PTPA: variants seen among roughly 807,000 people sequenced by gnomAD.
PTPA encodes the protein protein phosphatase 2 phosphatase activator, also known as serine/threonine-protein phosphatase 2A activator.
PTPA carries 13 observed loss-of-function variants against 43.6 expected under a neutral mutation model. The observed-to-expected ratio is 0.30, with a 90% CI of 0.19 to 0.47. The LOEUF is 0.47. Ranked by LOEUF, PTPA falls within the 20% of genes least tolerant of loss-of-function variation. The pLI is 0.99. For missense variants in PTPA, 329 were observed against 411.9 expected (o/e 0.80, Z 1.74); for synonymous variants, 172 against 158.2 (o/e 1.09, Z -0.66).
At chr9:129,116,389 T>C (rs965431714) in intron 1 of PTPA, among the ~76,000 whole-genome samples, 12 of 140,318 alleles carry the variant, frequency 8.6e-5, no homozygotes, top group African/African-American at 3.0e-4. Flanking sequence ...GGTTTCTTTT[T>C]TTTTTTTTTT....
At chr9:129,144,215 G>T (rs967203759) in intron 9 of PTPA, among the ~76,000 whole-genome samples, 1 of 151,774 alleles carries the variant, frequency 6.6e-6, no homozygotes, top group African/African-American at 2.4e-5. Context: ...AATGGTGATG[G>T]TGTGGCAGGA....
At chr9:129,118,667 G>C (rs7861663) in intron 1 of PTPA, among the ~76,000 whole-genome samples, 3 of 151,692 alleles carry the variant, frequency 2.0e-5, no homozygotes, top group African/African-American at 2.4e-5. Flanking sequence ...GAGCCACCGC[G>C]CCCCGCCTAA....
chr9:129,115,642 ATT>A (rs10706402), intron 1 of PTPA, among the ~76,000 whole-genome samples: 254 of 143,710 alleles, frequency 1.8e-3, no homozygotes, highest in Non-Finnish European at 1.9e-3. Context: ...GAGAGTTTGC[ATT>A]TTTTTTTTTT....
In PTPA at chr9:129,131,582, G is replaced by C. The variant is rs766716541; in HGVS notation, c.403G>C (p.Val135Leu). Residue 135 changes from valine to leucine, a missense_variant, in exon 5 of 10, where the codon GTG (valine) becomes CTG (leucine). By Grantham distance (32) the Val-to-Leu change is conservative. Transcript: ENST00000393370. ...CCATCTGGCAGCTGCTGTGCCTGAG[G>C]TGGCTGTTTACCTAAAGGAGTCAGT... ...PTHLAAAVPE[V>L]AVYLKESVGN... is the part of the protein sequence containing the mutation. 91 of 1,614,048 alleles carry C rather than the reference G, an allele frequency of 5.6e-5. No individual in the cohort carries two copies. The highest frequency in any genetic ancestry group is 7.5e-5 in the Non-Finnish European group (88 of 1,180,040).
intron 1 of PTPA, chr9:129,112,016 C>T: frequency 4.5e-6 from 1 of 220,928 alleles, no homozygotes; most frequent in Non-Finnish European, 8.8e-6. Context: ...CCGGAGGCTG[C>T]CGTCTTTATT....
rs201500439 is a variant in PTPA, at chr9:129,123,005, G to C, written c.130-47G>C. On this transcript the variant is annotated intron_variant, in intron 2 of 9. Coordinates refer to ENST00000393370, the MANE Select transcript of PTPA (RefSeq NM_178000.3). ...GAGCTCGGGGCAGGTGGGGCGGGGG[G>C]GTCTGCCACCCCTCTCCCCATCCCC... 22 of 1,457,514 alleles carry C rather than the reference G, an allele frequency of 1.5e-5. No homozygotes were observed. In the East Asian group the frequency reaches 4.6e-4, roughly 30 times the overall value. 90.3% of individuals were successfully genotyped at this position (1,457,514 alleles called of 1,614,324 possible).
intron 6 of PTPA, among the ~76,000 whole-genome samples, chr9:129,136,037 G>A (rs1850344385): frequency 6.6e-6 from 1 of 151,552 alleles, no homozygotes; most frequent in Non-Finnish European, 1.5e-5. Context: ...GAGAGATCTC[G>A]GCTCACTGCA....
intron 9 of PTPA, chr9:129,143,674 C>T (rs933599663): frequency 8.2e-5 from 41 of 497,530 alleles, no homozygotes; most frequent in Non-Finnish European, 1.3e-4. Context: ...CCTTTGGTCC[C>T]CTTCCTCTGG....
At chr9:129,140,606 C>T (rs1383294601) in intron 8 of PTPA, among the ~76,000 whole-genome samples, 2 of 152,226 alleles carry the variant, frequency 1.3e-5, no homozygotes, top group Admixed American at 6.5e-5. Context: ...CCTGCCTTTG[C>T]CTCGGAGCCC....
chr9:129,114,303 G>C (rs1354938492), intron 1 of PTPA, among the ~76,000 whole-genome samples: 3 of 152,202 alleles, frequency 2.0e-5, no homozygotes, highest in Non-Finnish European at 4.4e-5. Flanking sequence ...GATTACAGGC[G>C]TGAGCCACCG....
chr9:129,140,462 G>A lies in PTPA; in HGVS notation c.787-1983G>A, dbSNP rs537379117. Reference sequence around the variant, plus strand: ...CTCTCTGGCCTTTCTGTGTGTAGGGGCCCAGGGCCACTGGAGCTCCAGGAC... The same window carrying A: ...CTCTCTGGCCTTTCTGTGTGTAGGGACCCAGGGCCACTGGAGCTCCAGGAC... On this transcript the variant is annotated intron_variant, in intron 8 of 9. Coordinates refer to ENST00000393370, the MANE Select transcript of PTPA (RefSeq NM_178000.3). 1.8e-4 allele frequency among the ~76,000 whole-genome samples: 28 copies of A among 152,286 alleles called. 1 individual carries two copies. The South Asian group carries it at 5.8e-3, about 32-fold the overall frequency.
chr9:129,139,260 A>G (rs1850594524), intron 8 of PTPA: 1 of 152,246 alleles, frequency 6.6e-6, no homozygotes, highest in Non-Finnish European at 1.5e-5. Flanking sequence ...AAACACCCCA[A>G]AAGCTTTTCC....
intron 1 of PTPA, among the ~76,000 whole-genome samples, chr9:129,115,796 C>A (rs966318224): frequency 3.3e-5 from 5 of 151,038 alleles, no homozygotes; most frequent in South Asian, 2.1e-4. Flanking sequence ...CCCACCACCA[C>A]GCCTGGCTAA....
intron 9 of PTPA, among the ~76,000 whole-genome samples, chr9:129,147,181 CTT>C (rs17509043): frequency 4.0e-5 from 6 of 151,508 alleles, no homozygotes; most frequent in African/African-American, 1.5e-4. Flanking sequence ...TGCCTTTTCT[CTT>C]TCTCTCTCTC....
intron 3 of PTPA, among the ~76,000 whole-genome samples, chr9:129,127,003 A>G (rs1849622401): frequency 6.6e-6 from 1 of 152,080 alleles, no homozygotes; most frequent in Admixed American, 6.6e-5. Context: ...TGTGCCATCC[A>G]TTGTAAGCCC....
At position 129,147,832 on chromosome 9, in the gene PTPA, A is replaced by C; in HGVS notation, c.*368A>C. Reference sequence around the variant, plus strand: ...CAGCACCGCAGGGAAGGGAGGAGAGATACCTGCTGCTTCCATTGCTTTTCC... The same window carrying C: ...CAGCACCGCAGGGAAGGGAGGAGAGCTACCTGCTGCTTCCATTGCTTTTCC... On this transcript the variant is annotated 3_prime_UTR_variant, in exon 10 of 10. Coordinates refer to ENST00000393370, the MANE Select transcript of PTPA (RefSeq NM_178000.3). 1 of 238,080 alleles carries C rather than the reference A, an allele frequency of 4.2e-6. No individual in the cohort carries two copies. The highest frequency in any genetic ancestry group is 8.4e-6 in the Non-Finnish European group (1 of 119,084). 14.7% of individuals were successfully genotyped at this position (238,080 alleles called of 1,614,324 possible).
chr9:129,126,018 G>A (rs1364430466), intron 3 of PTPA, among the ~76,000 whole-genome samples: 3 of 151,758 alleles, frequency 2.0e-5, no homozygotes, highest in Non-Finnish European at 4.4e-5. Flanking sequence ...CGTGGCGGCA[G>A]GCACCTGTAG....
Position 129,111,509 on chromosome 9 carries a change from C to G in PTPA, c.-92C>G. ...CACTTGTCTTCAGGAAGCTCGGAGC[C>G]TTTGGTGGAGCCGGGGAGAGGAAGG... is the stretch of plus-strand genomic sequence containing the variant. On this transcript the variant is annotated 5_prime_UTR_variant, in exon 1 of 10. Transcript: ENST00000393370. 1 of 1,271,744 alleles carries G rather than the reference C, an allele frequency of 7.9e-7. No individual in the cohort carries two copies. The highest frequency in any genetic ancestry group is 1.0e-6 in the Non-Finnish European group (1 of 1,000,612). 78.8% of individuals were successfully genotyped at this position (1,271,744 alleles called of 1,614,324 possible). A position where few individuals can be genotyped will look rare whatever the true frequency, so the allele number is the denominator to read the frequency against.
At chr9:129,142,989 C>A in intron 9 of PTPA, 1 of 1,292,930 alleles carries the variant, frequency 7.7e-7, no homozygotes, top group Non-Finnish European at 1.0e-6. Context: ...TGTGTATGAT[C>A]ACTGAGTGGT....
Sources: allele counts gnomAD v4.1 joint callset (sites outside exome capture counted in the v4.1 genomes callset), GRCh38; gene constraint gnomAD v4.1.1; transcripts MANE v1.5; gene names NCBI Gene and HGNC (gene_info 2026-07-23, HGNC 2026-07-21).